The following HEMK2 variants were observed in gnomAD, a reference collection of about 807,000 sequenced individuals.
HEMK2 encodes the protein HemK methyltransferase 2, ETF1 glutamine and histone H4 lysine.
the HEMK2 span, among the ~76,000 whole-genome samples, chr21:28,596,821 G>A: frequency 1.3e-5 from 2 of 152,078 alleles, no homozygotes; most frequent in Non-Finnish European, 2.9e-5. Context: ...TAAAAGAAGT[G>A]TCTCGATGGA....
chr21:28,801,700 A>G, the HEMK2 span, among the ~76,000 whole-genome samples: 3,175 of 152,348 alleles, frequency 0.021, 62 homozygotes, highest in Middle Eastern at 0.037. Flanking sequence ...GAAAAAGAGT[A>G]TAAGATTAGG....
At chr21:28,656,130 C>A in the HEMK2 span, among the ~76,000 whole-genome samples, 1 of 151,958 alleles carries the variant, frequency 6.6e-6, no homozygotes. Context: ...ATAGAGGATG[C>A]AGCAATGAAG....
At chr21:28,786,654 A>C in the HEMK2 span, among the ~76,000 whole-genome samples, 13 of 150,380 alleles carry the variant, frequency 8.6e-5, no homozygotes, top group African/African-American at 3.2e-4. Context: ...CTGGGTGATA[A>C]GAGTGAGACT....
chr21:28,773,109 T>C, the HEMK2 span, among the ~76,000 whole-genome samples: 4 of 152,138 alleles, frequency 2.6e-5, no homozygotes, highest in Non-Finnish European at 5.9e-5. Context: ...CTCTAGTGCC[T>C]CTCCTGCTCT....
the HEMK2 span, among the ~76,000 whole-genome samples, chr21:28,682,703 C>A: frequency 6.6e-6 from 1 of 152,140 alleles, no homozygotes; most frequent in South Asian, 2.1e-4. Flanking sequence ...ACATATACAC[C>A]ATGGAATACT....
At chr21:28,860,929 T>G in the HEMK2 span, among the ~76,000 whole-genome samples, 1 of 152,186 alleles carries the variant, frequency 6.6e-6, no homozygotes, top group Admixed American at 6.5e-5. Context: ...GATGGCCCAC[T>G]GTGAATGAGC....
At chr21:28,749,166 G>T in the HEMK2 span, among the ~76,000 whole-genome samples, 1 of 152,114 alleles carries the variant, frequency 6.6e-6, no homozygotes, top group East Asian at 1.9e-4. Context: ...CTCCCTTTAT[G>T]ATTTCTTGGA....
At chr21:28,797,654 C>T in the HEMK2 span, among the ~76,000 whole-genome samples, 1 of 151,538 alleles carries the variant, frequency 6.6e-6, no homozygotes, top group Non-Finnish European at 1.5e-5. Flanking sequence ...CTGAAGAATC[C>T]AATTCTCAGT....
At chr21:28,853,897 C>T in the HEMK2 span, among the ~76,000 whole-genome samples, 846 of 152,278 alleles carry the variant, frequency 5.6e-3, 6 homozygotes, top group African/African-American at 0.02. Flanking sequence ...CAATCAAGGC[C>T]CTCACTTTAA....
At chr21:28,721,899 A>ATCAC in the HEMK2 span, among the ~76,000 whole-genome samples, 4 of 117,504 alleles carry the variant, frequency 3.4e-5, no homozygotes, top group African/African-American at 1.6e-4. Flanking sequence ...ATTCTTAACC[A>ATCAC]TCACACACAC....
At chr21:28,831,450 G>GAAAGAAAGAAAGAAAGA in the HEMK2 span, among the ~76,000 whole-genome samples, 25 of 75,020 alleles carry the variant, frequency 3.3e-4, 1 homozygote, top group African/African-American at 1.9e-3. Context: ...ATCTCAAAAA[G>GAAAGAAAGAAAGAAAGA]AAAGAAAAGA....
At chr21:28,719,781 G>T in the HEMK2 span, among the ~76,000 whole-genome samples, 1 of 152,200 alleles carries the variant, frequency 6.6e-6, no homozygotes, top group Non-Finnish European at 1.5e-5. Flanking sequence ...TAACATGCAA[G>T]TGTTGACGAA....
chr21:28,732,335 T>C, the HEMK2 span, among the ~76,000 whole-genome samples: 1 of 152,268 alleles, frequency 6.6e-6, no homozygotes, highest in Admixed American at 6.5e-5. Flanking sequence ...AGTGCCACTG[T>C]GTGCCAGGCA....
At chr21:28,690,187 T>C in the HEMK2 span, among the ~76,000 whole-genome samples, 2 of 152,164 alleles carry the variant, frequency 1.3e-5, 1 homozygote, top group South Asian at 4.1e-4. Flanking sequence ...TTCAATTATC[T>C]CCACCTGGCC....
chr21:28,609,846 C>G, the HEMK2 span, among the ~76,000 whole-genome samples: 1 of 152,206 alleles, frequency 6.6e-6, no homozygotes, highest in East Asian at 1.9e-4. Context: ...TTTGAATTAA[C>G]TCAATCTGAC....
At chr21:28,682,819 G>A in the HEMK2 span, among the ~76,000 whole-genome samples, 112 of 152,074 alleles carry the variant, frequency 7.4e-4, no homozygotes, top group South Asian at 2.1e-3. Flanking sequence ...ACCAAACACC[G>A]CATGTTCTCA....
At chr21:28,657,449 T>C in the HEMK2 span, among the ~76,000 whole-genome samples, 2 of 151,866 alleles carry the variant, frequency 1.3e-5, no homozygotes, top group Non-Finnish European at 2.9e-5. Context: ...ATCTAACCCA[T>C]GAGTTTGTAA....
chr21:28,614,586 A>G, the HEMK2 span, among the ~76,000 whole-genome samples: 57 of 152,210 alleles, frequency 3.7e-4, no homozygotes, highest in Non-Finnish European at 7.1e-4. Context: ...TACGGCTATT[A>G]AGAAAAACAT....
chr21:28,581,978 A>G, the HEMK2 span, among the ~76,000 whole-genome samples: 1 of 152,234 alleles, frequency 6.6e-6, no homozygotes, highest in African/African-American at 2.4e-5. Context: ...TAAAGACTAG[A>G]GACAGTATTT....
Sources: gnomAD v4.1 joint callset for allele counts (sites outside exome capture counted in the v4.1 genomes callset) on GRCh38, gnomAD v4.1.1 for gene constraint, MANE v1.5 for transcripts, NCBI Gene and HGNC (gene_info 2026-07-23, HGNC 2026-07-21) for gene names.